The following CLVS2 variants were observed in gnomAD, a reference collection of about 807,000 sequenced individuals.
The protein encoded by CLVS2 is clavesin 2, also known as clavesin-2.
CLVS2 carries 19 observed loss-of-function variants against 29.0 expected under a neutral mutation model. That is an observed-to-expected ratio of 0.66 (90% CI 0.46 to 0.96). The LOEUF is 0.96. Among genes scored for constraint, CLVS2 ranks in the 40% least tolerant of loss-of-function variants. The pLI is 0.00. For missense variants in CLVS2, 294 were observed against 404.1 expected (o/e 0.73, Z 2.34); for synonymous variants, 161 against 151.3 (o/e 1.06, Z -0.47).
At chr6:123,057,595 C>T (rs1582665724) in intron 5 of CLVS2, among the ~76,000 whole-genome samples, 1 of 152,094 alleles carries the variant, frequency 6.6e-6, no homozygotes, top group East Asian at 1.9e-4. Flanking sequence ...CCACCTGCCT[C>T]GGCCTCCAAA....
At chr6:123,018,314 T>C (rs763299804) in intron 3 of CLVS2, among the ~76,000 whole-genome samples, 1 of 152,046 alleles carries the variant, frequency 6.6e-6, no homozygotes, top group Non-Finnish European at 1.5e-5. Context: ...ACCTCGTTTT[T>C]TTCTCTCTTC....
chr6:123,033,180 G>A (rs1007497725), intron 3 of CLVS2, among the ~76,000 whole-genome samples: 3 of 152,064 alleles, frequency 2.0e-5, no homozygotes, highest in South Asian at 2.1e-4. Context: ...GTCAGCTTTG[G>A]GGGTAAGGAA....
At chr6:123,051,140 A>T (rs1384662697) in intron 4 of CLVS2, among the ~76,000 whole-genome samples, 4 of 152,172 alleles carry the variant, frequency 2.6e-5, no homozygotes, top group Admixed American at 1.3e-4. Context: ...CACACACCTT[A>T]TGCTTCGGAT....
At chr6:123,013,139 C>T (rs767784280) in intron 3 of CLVS2, among the ~76,000 whole-genome samples, 5 of 152,020 alleles carry the variant, frequency 3.3e-5, no homozygotes, top group Non-Finnish European at 5.9e-5. Flanking sequence ...TGAAGTAACA[C>T]TTTCTGACTT....
intron 4 of CLVS2, among the ~76,000 whole-genome samples, chr6:123,051,196 A>G (rs9490640): frequency 0.099 from 15,110 of 152,092 alleles, 2,558 homozygotes; most frequent in African/African-American, 0.34. Flanking sequence ...GAACTGAGGA[A>G]GCAGTTGTGA....
At chr6:123,023,387 G>A (rs1324499497) in intron 3 of CLVS2, among the ~76,000 whole-genome samples, 1 of 152,018 alleles carries the variant, frequency 6.6e-6, no homozygotes, top group Non-Finnish European at 1.5e-5. Flanking sequence ...TCATTATTCA[G>A]CTCTTGTTTT....
chr6:123,021,984 T>C (rs1259391360), intron 3 of CLVS2, among the ~76,000 whole-genome samples: 1 of 152,082 alleles, frequency 6.6e-6, no homozygotes, highest in Non-Finnish European at 1.5e-5. Flanking sequence ...CCCATAGGAT[T>C]TTCCAGTTTC....
chr6:123,005,666 A>T (rs1277250460), intron 2 of CLVS2, among the ~76,000 whole-genome samples: 1 of 152,170 alleles, frequency 6.6e-6, no homozygotes, highest in Non-Finnish European at 1.5e-5. Flanking sequence ...TCAGGTAGTC[A>T]CCAAAAAAAT....
chr6:123,044,773 C>T (rs561480994), intron 3 of CLVS2, among the ~76,000 whole-genome samples: 26 of 152,236 alleles, frequency 1.7e-4, no homozygotes, highest in Non-Finnish European at 2.8e-4. Flanking sequence ...ATGAGGGAGA[C>T]CACTTGGGAA....
chr6:123,025,073 C>T (rs1193268135), intron 3 of CLVS2, among the ~76,000 whole-genome samples: 2 of 152,024 alleles, frequency 1.3e-5, no homozygotes, highest in Non-Finnish European at 2.9e-5. Flanking sequence ...CCCTGCAATA[C>T]CAAGGGTATA....
At chr6:123,014,321 C>G (rs1196847809) in intron 3 of CLVS2, among the ~76,000 whole-genome samples, 2 of 96,522 alleles carry the variant, frequency 2.1e-5, no homozygotes, top group Non-Finnish European at 4.0e-5. Flanking sequence ...TCTCCAGCAC[C>G]TGTTGTTTCC....
chr6:123,016,265 C>T (rs1486993437), intron 3 of CLVS2, among the ~76,000 whole-genome samples: 2 of 128,634 alleles, frequency 1.6e-5, no homozygotes, highest in African/African-American at 5.9e-5. Context: ...GGAAAGCCAA[C>T]TAAAACACAA....
At chr6:123,026,916 T>C (rs1385705559) in intron 3 of CLVS2, among the ~76,000 whole-genome samples, 1 of 152,242 alleles carries the variant, frequency 6.6e-6, no homozygotes, top group African/African-American at 2.4e-5. Context: ...TGTTCTTGTC[T>C]GTTAGTTATA....
At chr6:123,038,543 T>C (rs1244855758) in intron 3 of CLVS2, among the ~76,000 whole-genome samples, 1 of 152,142 alleles carries the variant, frequency 6.6e-6, no homozygotes, top group Admixed American at 6.6e-5. Flanking sequence ...TTTCAGAACA[T>C]TTGCAAAATT....
intron 2 of CLVS2, among the ~76,000 whole-genome samples, chr6:123,001,617 G>T (rs571600360): frequency 6.6e-6 from 1 of 152,288 alleles, no homozygotes; most frequent in South Asian, 2.1e-4. Context: ...CTGTTACACT[G>T]CATCACAAAG....
chr6:123,045,973 A>G (rs1772496682), intron 3 of CLVS2, among the ~76,000 whole-genome samples: 1 of 152,188 alleles, frequency 6.6e-6, no homozygotes, highest in Non-Finnish European at 1.5e-5. Context: ...GTGGGAGAGA[A>G]CAGTTAACAA....
At chr6:123,029,183 T>C (rs1178955313) in intron 3 of CLVS2, among the ~76,000 whole-genome samples, 1 of 152,242 alleles carries the variant, frequency 6.6e-6, no homozygotes, top group Non-Finnish European at 1.5e-5. Context: ...ATTCTTGTTA[T>C]AATTTTTCAT....
At chr6:123,014,083 C>G (rs1460115050) in intron 3 of CLVS2, among the ~76,000 whole-genome samples, 1 of 152,082 alleles carries the variant, frequency 6.6e-6, no homozygotes, top group Non-Finnish European at 1.5e-5. Context: ...TAGGTTGGTT[C>G]CAAGTCTTTG....
intron 4 of CLVS2, among the ~76,000 whole-genome samples, chr6:123,052,483 T>A (rs1772626111): frequency 6.6e-6 from 1 of 152,206 alleles, no homozygotes; most frequent in African/African-American, 2.4e-5. Context: ...TATTTTGACA[T>A]GGTCATTCTG....
Sources: gnomAD v4.1 joint callset for allele counts (sites outside exome capture counted in the v4.1 genomes callset) on GRCh38, gnomAD v4.1.1 for gene constraint, MANE v1.5 for transcripts, NCBI Gene and HGNC (gene_info 2026-07-23, HGNC 2026-07-21) for gene names.